Variants in STRN3 observed in about 807,000 individuals in gnomAD.
STRN3 encodes striatin-3.
STRN3 carries 29 observed loss-of-function variants against 95.6 expected under a neutral mutation model. That is an observed-to-expected ratio of 0.30 (90% CI 0.23 to 0.41). The LOEUF (loss-of-function observed/expected upper bound fraction) is 0.41, where lower values mean the gene tolerates loss of function less well. Among genes scored for constraint, STRN3 ranks in the 10% least tolerant of loss-of-function variants. The pLI, the probability that STRN3 is intolerant of heterozygous loss-of-function variation, is 1.00. For missense variants in STRN3, 890 were observed against 972.1 expected, an observed-to-expected ratio of 0.92 and a Z score of 1.12; for synonymous variants, 331 against 357.6, an observed-to-expected ratio of 0.93 and a Z score of 0.84.
In STRN3 at chr14:30,902,611, C is replaced by T; in HGVS notation, c.2062G>A (p.Val688Ile). Reference protein sequence around the residue: ...LQSNNHINRVVSHPTLPVTIT... With the variant: ...LQSNNHINRVISHPTLPVTIT... ...GTAACAGGAAGTGTGGGATGACTTA[C>T]TACTCTGTTGATATGATTATTAGAT... is the stretch of plus-strand genomic sequence containing the variant. The change falls in exon 16 of 18, where the codon GTA becomes ATA. Residue 688 changes from valine to isoleucine, a missense_variant. By Grantham distance (29) the Val-to-Ile change is conservative. This residue lies in a region of STRN3 where 357 missense variants were observed against 422.8 expected (regional missense o/e 0.84). Coordinates refer to ENST00000357479, the MANE Select transcript of STRN3 (RefSeq NM_001083893.2). The T allele has an allele frequency of 1.2e-6, 2 of 1,606,472 alleles. No individual in the cohort carries two copies. The highest frequency in any genetic ancestry group is 1.7e-6 in the Non-Finnish European group (2 of 1,176,884).
At chr14:30,899,974 T>C (rs1194206388) in intron 16 of STRN3, among the ~76,000 whole-genome samples, 1 of 152,196 alleles carries the variant, frequency 6.6e-6, no homozygotes, top group Non-Finnish European at 1.5e-5. Context: ...TAATACTCTA[T>C]TAAAAACAAC....
At chr14:30,951,907 CG>C (rs1879659376) in intron 3 of STRN3, among the ~76,000 whole-genome samples, 1 of 152,090 alleles carries the variant, frequency 6.6e-6, no homozygotes, top group Non-Finnish European at 1.5e-5. Context: ...CACTTGAGCA[CG>C]GGAATTCAAC....
intron 9 of STRN3, among the ~76,000 whole-genome samples, chr14:30,918,526 A>AGC (rs1896799051): frequency 1.3e-5 from 2 of 152,070 alleles, no homozygotes; most frequent in Non-Finnish European, 2.9e-5. Context: ...AAAAAAGAAA[A>AGC]AAAAAAAGGT....
At chr14:30,991,133 G>A (rs940713553) in intron 1 of STRN3, among the ~76,000 whole-genome samples, 1 of 152,166 alleles carries the variant, frequency 6.6e-6, no homozygotes, top group African/African-American at 2.4e-5. Context: ...GCTTGGTTTT[G>A]ACCAGGTATG....
At chr14:31,004,319 C>T (rs553617359) in intron 1 of STRN3, among the ~76,000 whole-genome samples, 45 of 151,898 alleles carry the variant, frequency 3.0e-4, no homozygotes, top group African/African-American at 9.4e-4. Flanking sequence ...AAAAAATTAG[C>T]GGAGTATGGT....
intron 1 of STRN3, among the ~76,000 whole-genome samples, chr14:31,016,051 A>T (rs1230153013): frequency 2.6e-5 from 4 of 152,148 alleles, no homozygotes; most frequent in Non-Finnish European, 5.9e-5. Flanking sequence ...AATCCAAATC[A>T]CTACAACTCC....
In STRN3 at chr14:30,894,969, A is replaced by C. The variant is rs1566420651; in HGVS notation, c.*442T>G. ...TCAACCGATAAACAGAAGATCACTAAGAGATGAAAAAAAGCTACTCTTGGA... is the reference window on the plus strand; with the variant it reads ...TCAACCGATAAACAGAAGATCACTACGAGATGAAAAAAAGCTACTCTTGGA... On this transcript the variant is annotated 3_prime_UTR_variant, in exon 18 of 18. Coordinates refer to ENST00000357479, the MANE Select transcript of STRN3 (RefSeq NM_001083893.2). 9.6e-7 allele frequency: 1 copy of C among 1,037,896 alleles called. No individual in the cohort carries two copies. Among genetic ancestry groups the C allele is most frequent in the Non-Finnish European group, 1.2e-6 (1 of 827,492 alleles). The allele number at this position is 1,037,896 out of a possible 1,614,324, so 64.3% of individuals were successfully genotyped here.
At chr14:31,004,816 C>T (rs1882642230) in intron 1 of STRN3, among the ~76,000 whole-genome samples, 1 of 151,584 alleles carries the variant, frequency 6.6e-6, no homozygotes, top group African/African-American at 2.4e-5. Context: ...GGGAAAGTGA[C>T]CACATACTGT....
chr14:30,918,906 A>G, intron 9 of STRN3, 60 bp downstream of exon 9: 2 of 1,423,456 alleles, frequency 1.4e-6, no homozygotes, highest in Non-Finnish European at 1.9e-6. Flanking sequence ...TTGCATTAAG[A>G]TGTGATTTGG....
intron 1 of STRN3, among the ~76,000 whole-genome samples, chr14:30,968,953 A>G (rs1200796692): frequency 6.6e-6 from 1 of 152,128 alleles, no homozygotes; most frequent in Non-Finnish European, 1.5e-5. Flanking sequence ...GTTAAAAAAA[A>G]TATATATTTT....
At chr14:30,955,835 T>C (rs1879875949) in intron 2 of STRN3, 142 bp from the exon 3 acceptor site, 9 of 698,570 alleles carry the variant, frequency 1.3e-5, no homozygotes, top group Non-Finnish European at 2.0e-5. Flanking sequence ...ACTATATTGC[T>C]GTAAAAGAAA....
intron 1 of STRN3, chr14:31,018,555 T>C: frequency 2.2e-6 from 1 of 459,874 alleles, no homozygotes; most frequent in Non-Finnish European, 4.4e-6. Context: ...GAAGAGGGAC[T>C]GCACTTTGAT....
intron 1 of STRN3, among the ~76,000 whole-genome samples, chr14:30,984,880 C>T (rs1414191726): frequency 6.6e-6 from 1 of 152,034 alleles, no homozygotes; most frequent in Admixed American, 6.6e-5. Flanking sequence ...TTGTTATACC[C>T]CTTTAGAAGT....
intron 5 of STRN3, among the ~76,000 whole-genome samples, chr14:30,946,829 A>T (rs1419189275): frequency 6.6e-6 from 1 of 151,966 alleles, no homozygotes; most frequent in Non-Finnish European, 1.5e-5. Flanking sequence ...AATACAAAAA[A>T]TTAGCCAGGA....
In STRN3 at chr14:30,894,723, G is replaced by T. The variant is rs986129874; in HGVS notation, c.*688C>A. The T allele has an allele frequency of 5.5e-6, 1 of 182,868 alleles. No homozygotes were observed. Among genetic ancestry groups the T allele is most frequent in the South Asian group, 9.4e-5 (1 of 10,682 alleles). 11.3% of individuals were successfully genotyped at this position (182,868 alleles called of 1,614,324 possible). A position where few individuals can be genotyped will look rare whatever the true frequency, so the allele number is the denominator to read the frequency against. ...GAAAGAAAGTGGTTACAGGGCAACG[G>T]GTCAGTGAGATCTCTGTGTTTTAGG... On this transcript the variant is annotated 3_prime_UTR_variant, in exon 18 of 18. Transcript: ENST00000357479.
At chr14:30,923,338 A>T (rs1315165728) in intron 8 of STRN3, among the ~76,000 whole-genome samples, 1 of 152,204 alleles carries the variant, frequency 6.6e-6, no homozygotes, top group African/African-American at 2.4e-5. Flanking sequence ...AAAATTAGAA[A>T]ATGACTTGGG....
At chr14:30,900,382 C>CA (rs1262838034) in intron 16 of STRN3, among the ~76,000 whole-genome samples, 2 of 114,018 alleles carry the variant, frequency 1.8e-5, no homozygotes, top group African/African-American at 6.9e-5. Flanking sequence ...AAAACCACAC[C>CA]AAAAAAACAT....
At chr14:31,013,891 T>C (rs1016376361) in intron 1 of STRN3, among the ~76,000 whole-genome samples, 2 of 145,544 alleles carry the variant, frequency 1.4e-5, no homozygotes, top group Non-Finnish European at 3.0e-5. Flanking sequence ...ATTATTATTA[T>C]TATTATTATT....
intron 1 of STRN3, among the ~76,000 whole-genome samples, chr14:30,996,998 G>A (rs552820103): frequency 1.3e-4 from 20 of 152,016 alleles, no homozygotes; most frequent in Admixed American, 6.6e-4. Flanking sequence ...AACAAGAGGC[G>A]AAAGTAATAG....
Sources: allele counts gnomAD v4.1 joint callset (sites outside exome capture counted in the v4.1 genomes callset), GRCh38; gene constraint gnomAD v4.1.1; regional missense constraint gnomAD v4.1.1; transcripts MANE v1.5; gene names NCBI Gene and HGNC (gene_info 2026-07-23, HGNC 2026-07-21).